The following LDLRAD4 variants were observed in gnomAD, a reference collection of about 807,000 sequenced individuals.
LDLRAD4 encodes low density lipoprotein receptor class A domain containing 4.
Under a neutral mutation model 17.0 loss-of-function variants are expected in LDLRAD4, and 5 were observed. The ratio of observed to expected loss-of-function variants is 0.29; its 90% CI spans 0.15 to 0.62. The LOEUF is 0.62. Ranked by LOEUF, LDLRAD4 falls within the 20% of genes least tolerant of loss-of-function variation. The pLI, the probability that LDLRAD4 is intolerant of heterozygous loss-of-function variation, is 0.84. For synonymous variants in LDLRAD4, 168 were observed against 171.8 expected (o/e 0.98, Z 0.17); for missense variants, 340 against 424.7 (o/e 0.80, Z 1.75).
chr18:13,408,499 G>A (rs1046326935), intron 2 of LDLRAD4, among the ~76,000 whole-genome samples: 2 of 151,362 alleles, frequency 1.3e-5, no homozygotes, highest in African/African-American at 2.4e-5. Flanking sequence ...TGGCGATGAA[G>A]TTTTGTTCTG....
chr18:13,236,010 A>G (rs1236991671), intron 1 of LDLRAD4, among the ~76,000 whole-genome samples: 2 of 152,234 alleles, frequency 1.3e-5, no homozygotes, highest in Admixed American at 6.5e-5. Context: ...GAAAATTCCC[A>G]GTTAACTAGA....
intron 1 of LDLRAD4, among the ~76,000 whole-genome samples, chr18:13,293,109 G>A (rs1205195796): frequency 6.6e-6 from 1 of 152,216 alleles, no homozygotes; most frequent in Non-Finnish European, 1.5e-5. Flanking sequence ...CACTGGTTGA[G>A]CTCTTGGCTA....
chr18:13,572,389 G>A (rs1002634423), intron 3 of LDLRAD4, among the ~76,000 whole-genome samples: 10 of 152,218 alleles, frequency 6.6e-5, no homozygotes, highest in South Asian at 2.1e-4. Context: ...GTCAGTGATC[G>A]GAGTGCCTGT....
chr18:13,249,012 T>C (rs1056411505), intron 1 of LDLRAD4, among the ~76,000 whole-genome samples: 3 of 152,232 alleles, frequency 2.0e-5, no homozygotes, highest in Non-Finnish European at 4.4e-5. Flanking sequence ...TGTTTAACTT[T>C]CTGTTCCTGG....
intron 3 of LDLRAD4, among the ~76,000 whole-genome samples, chr18:13,541,628 C>T (rs1568317141): frequency 6.6e-6 from 1 of 152,204 alleles, no homozygotes; most frequent in Admixed American, 6.5e-5. Context: ...AATTAAAATA[C>T]TTACTGCCTC....
In LDLRAD4 at chr18:13,645,167, C is replaced by G. The variant is rs754197904; in HGVS notation, c.431C>G (p.Pro144Arg). The stretch of plus-strand genomic sequence containing the variant: ...CGGTCCAGGGACAGGTTCACAGCGC[C>G]GTCCTTCATCCAGAGGGATCGCTTC... Residue 144 changes from proline (P) to arginine (R), a missense_variant, in exon 6 of 6, where the codon CCG (proline) becomes CGG (arginine). Transcript: ENST00000359446. The surrounding 1 kb of genome is among the most constrained non-coding windows in gnomAD (Gnocchi z 5.7). The G allele has an allele frequency of 1.2e-6, 2 of 1,613,934 alleles. No homozygotes were observed. The highest frequency in any genetic ancestry group is 1.3e-5 in the African/African-American group (1 of 75,022).
chr18:13,365,963 A>T (rs9954816), intron 1 of LDLRAD4, among the ~76,000 whole-genome samples: 3 of 151,962 alleles, frequency 2.0e-5, no homozygotes, highest in African/African-American at 7.3e-5. Context: ...TTAGTAGAGA[A>T]GGGGTTTCAC....
At chr18:13,541,179 C>T (rs773611880) in intron 3 of LDLRAD4, among the ~76,000 whole-genome samples, 3 of 152,174 alleles carry the variant, frequency 2.0e-5, no homozygotes, top group South Asian at 2.1e-4. Flanking sequence ...TGGAGGAAAA[C>T]GCAACAAAAT....
At chr18:13,643,947 C>T (rs2042844362) in intron 5 of LDLRAD4, among the ~76,000 whole-genome samples, 1 of 152,012 alleles carries the variant, frequency 6.6e-6, no homozygotes, top group Non-Finnish European at 1.5e-5. Context: ...AGAGCCGTCT[C>T]CTAGAAGAAA....
chr18:13,511,188 C>T (rs1444759786), intron 3 of LDLRAD4, among the ~76,000 whole-genome samples: 1 of 152,110 alleles, frequency 6.6e-6, no homozygotes, highest in Non-Finnish European at 1.5e-5. Flanking sequence ...GGCCTCTGTC[C>T]ACTGAGCTTT....
chr18:13,346,758 C>T (rs2082715488), intron 1 of LDLRAD4, among the ~76,000 whole-genome samples: 1 of 152,154 alleles, frequency 6.6e-6, no homozygotes, highest in Non-Finnish European at 1.5e-5. Flanking sequence ...AATCTGGGTG[C>T]TCCTGTATTG....
At chr18:13,266,173 A>G (rs555448959) in intron 1 of LDLRAD4, among the ~76,000 whole-genome samples, 1 of 152,306 alleles carries the variant, frequency 6.6e-6, no homozygotes, top group South Asian at 2.1e-4. Context: ...GCACTCGCCC[A>G]GACCTTAAAA....
intron 3 of LDLRAD4, among the ~76,000 whole-genome samples, chr18:13,555,444 T>C (rs2094474270): frequency 6.6e-6 from 1 of 152,196 alleles, no homozygotes; most frequent in African/African-American, 2.4e-5. Flanking sequence ...CTTCTTTTTC[T>C]CTTTGTAGAA....
chr18:13,494,856 C>T (rs1259108106), intron 3 of LDLRAD4, among the ~76,000 whole-genome samples: 1 of 145,280 alleles, frequency 6.9e-6, no homozygotes, highest in African/African-American at 2.6e-5. Flanking sequence ...TGTAATTCAC[C>T]CTCTCTTCCT....
chr18:13,611,986 C>T, intron 3 of LDLRAD4: 1 of 985,440 alleles, frequency 1.0e-6, no homozygotes, highest in Non-Finnish European at 1.2e-6. Context: ...GCCGGGCGAG[C>T]ACGCTCTGGG....
intron 1 of LDLRAD4, among the ~76,000 whole-genome samples, chr18:13,352,220 T>A (rs1345821453): frequency 6.6e-6 from 1 of 152,168 alleles, no homozygotes; most frequent in African/African-American, 2.4e-5. Flanking sequence ...AGGATACCCT[T>A]TCTCACCACT....
chr18:13,548,470 C>A (rs1281438235), intron 3 of LDLRAD4, among the ~76,000 whole-genome samples: 1 of 152,224 alleles, frequency 6.6e-6, no homozygotes, highest in Non-Finnish European at 1.5e-5. Flanking sequence ...CCAGAAGGGG[C>A]CAAGGGCAAG....
chr18:13,643,089 C>A (rs1432036100), intron 4 of LDLRAD4, among the ~76,000 whole-genome samples: 1 of 151,990 alleles, frequency 6.6e-6, no homozygotes, highest in East Asian at 1.9e-4. Context: ...GCACCCGCCA[C>A]CACGCCCAAC....
chr18:13,451,991 C>T (rs1335615549), intron 3 of LDLRAD4, among the ~76,000 whole-genome samples: 1 of 152,220 alleles, frequency 6.6e-6, no homozygotes, highest in Non-Finnish European at 1.5e-5. Context: ...CCTGTCCTCA[C>T]ACCAACTTGT....
Sources: allele counts gnomAD v4.1 joint callset (sites outside exome capture counted in the v4.1 genomes callset), GRCh38; gene constraint gnomAD v4.1.1; non-coding constraint Gnocchi (gnomAD v3.1); transcripts MANE v1.5; gene names NCBI Gene and HGNC (gene_info 2026-07-23, HGNC 2026-07-21).